Variants in NEBL observed in about 807,000 individuals in gnomAD.
The protein encoded by NEBL is LIM and SH3 protein 2.
A neutral mutation model predicts 140.2 loss-of-function variants in NEBL; 122 were observed. The ratio of observed to expected loss-of-function variants is 0.87; its 90% CI spans 0.75 to 1.01. The LOEUF (loss-of-function observed/expected upper bound fraction) is 1.01, where lower values mean the gene tolerates loss of function less well. NEBL is among the 50% of genes least tolerant of loss of function. NEBL has a pLI of 0.00. For missense variants in NEBL, 1,365 were observed against 1,231.3 expected, an observed-to-expected ratio of 1.11 and a Z score of -1.62; for synonymous variants, 436 against 398.9, an observed-to-expected ratio of 1.09 and a Z score of -1.11.
chr10:21,037,337 C>A (rs1414555322), intron 2 of NEBL, among the ~76,000 whole-genome samples: 1 of 152,040 alleles, frequency 6.6e-6, no homozygotes, highest in Admixed American at 6.6e-5. Context: ...GCAGATAATT[C>A]ATGCATGAGA....
chr10:20,826,531 A>G lies in NEBL; in HGVS notation c.1785T>C (p.Tyr595=). 2 of 1,607,504 alleles carry G rather than the reference A, an allele frequency of 1.2e-6. No individual in the cohort carries two copies. Among genetic ancestry groups the G allele is most frequent in the Non-Finnish European group, 1.7e-6 (2 of 1,174,714 alleles). The change falls in exon 18 of 28, where the codon TAT becomes TAC. Residue 595 remains tyrosine, a synonymous_variant. Transcript: ENST00000377122. The part of the protein sequence containing the change: ...TTQQNISAVF[Y]KKEVGAGTAV... Reference sequence around the variant, plus strand: ...CAGTGCCAGCTCCCACTTCTTTCTTATAAAATACCTTTATTATAAGAAAAG... The same window carrying G: ...CAGTGCCAGCTCCCACTTCTTTCTTGTAAAATACCTTTATTATAAGAAAAG...
At chr10:21,096,281 T>A (rs907714470) in intron 2 of NEBL, among the ~76,000 whole-genome samples, 6 of 152,160 alleles carry the variant, frequency 3.9e-5, no homozygotes, top group Non-Finnish European at 7.3e-5. Flanking sequence ...CCTATTCTCA[T>A]CCTCAGTCAG....
chr10:20,978,095 A>G (rs1836876143), intron 3 of NEBL, among the ~76,000 whole-genome samples: 1 of 152,212 alleles, frequency 6.6e-6, no homozygotes, highest in South Asian at 2.1e-4. Context: ...ATACTGCAGA[A>G]GAAAATAAGG....
intron 2 of NEBL, among the ~76,000 whole-genome samples, chr10:21,067,327 A>G (rs1208094010): frequency 1.3e-5 from 2 of 152,204 alleles, no homozygotes; most frequent in Non-Finnish European, 2.9e-5. Flanking sequence ...CTGTTTAAAA[A>G]TTCAGTTTTG....
chr10:21,255,231 G>A lies in NEBL; in HGVS notation n.183-3403C>T, dbSNP rs76955920. ...GAGTGGCACATATGGGAATTAGAGC[G>A]AGAACGTCATGTCCTAAGGCCAGAT... On this transcript the variant is annotated intron_variant and non_coding_transcript_variant, in intron 1 of 8. Transcript: ENST00000675702. 8.1e-3 allele frequency among the ~76,000 whole-genome samples: 1,233 copies of A among 152,168 alleles called. 12 individuals are homozygous for A. Among genetic ancestry groups the A allele is most frequent in the African/African-American group, 0.02 (817 of 41,526 alleles).
Position 20,786,741 on chromosome 10 carries a change from C to T in NEBL, c.2868+461G>A, listed in dbSNP as rs28364728. 2.0e-3 allele frequency among the ~76,000 whole-genome samples: 304 copies of T among 152,264 alleles called. 8 individuals are homozygous for T. The East Asian group carries it at 0.049, about 25-fold the overall frequency. On this transcript the variant is annotated intron_variant, in intron 27 of 27. Coordinates refer to ENST00000377122, the MANE Select transcript of NEBL (RefSeq NM_006393.3). ...CCAAGTATAACTAGCAAATGTTGAA[C>T]ACTTCTTCCAAGTTTTACACTGAAT...
chr10:21,081,671 A>T (rs901981075), intron 2 of NEBL, among the ~76,000 whole-genome samples: 7 of 152,302 alleles, frequency 4.6e-5, no homozygotes, highest in Admixed American at 2.0e-4. Flanking sequence ...AAAGGAATCA[A>T]GCATCCTCGG....
At chr10:21,136,822 A>G (rs1407863591) in intron 2 of NEBL, among the ~76,000 whole-genome samples, 1 of 152,208 alleles carries the variant, frequency 6.6e-6, no homozygotes. Flanking sequence ...GGGTAAATTA[A>G]TTCCTATCTA....
At chr10:21,054,161 C>T (rs1834908081) in intron 2 of NEBL, among the ~76,000 whole-genome samples, 1 of 152,156 alleles carries the variant, frequency 6.6e-6, no homozygotes, top group Non-Finnish European at 1.5e-5. Context: ...TTTAATGACT[C>T]ATCAAATAGT....
chr10:20,919,442 T>C (rs1833471162), intron 4 of NEBL, among the ~76,000 whole-genome samples: 1 of 152,224 alleles, frequency 6.6e-6, no homozygotes, highest in Non-Finnish European at 1.5e-5. Flanking sequence ...AATCATGTCA[T>C]GGTGACTTTT....
intron 2 of NEBL, among the ~76,000 whole-genome samples, chr10:21,060,933 T>C (rs1835245718): frequency 6.6e-6 from 1 of 152,076 alleles, no homozygotes; most frequent in African/African-American, 2.4e-5. Flanking sequence ...GCTCCTTTGG[T>C]TCTCTTACTG....
At chr10:21,106,041 T>G (rs186242065) in intron 2 of NEBL, among the ~76,000 whole-genome samples, 6 of 152,190 alleles carry the variant, frequency 3.9e-5, no homozygotes, top group Admixed American at 3.3e-4. Context: ...TTGTTTGTTT[T>G]TTTTCTGGTA....
chr10:20,960,178 G>A (rs1192333017), intron 4 of NEBL, among the ~76,000 whole-genome samples: 1 of 152,038 alleles, frequency 6.6e-6, no homozygotes, highest in Non-Finnish European at 1.5e-5. Flanking sequence ...TTCAGTGATT[G>A]TTGAAGATGT....
intron 4 of NEBL, among the ~76,000 whole-genome samples, chr10:20,944,380 A>ACAAGAC (rs972274491): frequency 3.2e-4 from 49 of 152,320 alleles, no homozygotes; most frequent in African/African-American, 1.1e-3. Context: ...AGCCTGGGCG[A>ACAAGAC]CAAGACCAAG....
At chr10:21,093,712 G>A (rs963766468) in intron 2 of NEBL, among the ~76,000 whole-genome samples, 21 of 152,196 alleles carry the variant, frequency 1.4e-4, no homozygotes, top group African/African-American at 4.8e-4. Flanking sequence ...TCTTGTTCAG[G>A]TATATCTAAG....
chr10:20,868,310 CTGTGTGTGTG>C (rs3085048), intron 7 of NEBL: 11 of 155,912 alleles, frequency 7.1e-5, no homozygotes, highest in Admixed American at 3.9e-4. Flanking sequence ...AAGTTAAAAA[CTGTGTGTGTG>C]TGTGTGTGTG....
chr10:21,278,790 G>A (rs959110466), intron 1 of NEBL, among the ~76,000 whole-genome samples: 1 of 152,154 alleles, frequency 6.6e-6, no homozygotes, highest in African/African-American at 2.4e-5. Flanking sequence ...ATCTGCCCCT[G>A]AGTTACATAG....
chr10:21,194,363 GAAGT>G lies in NEBL; in HGVS notation n.349-21890_349-21887del, dbSNP rs548838142. ...TTTTTTTAATAGAAAAAAAGTTATT[GAAGT>G]AAGCATTGATACCAAAAGCAAGCCA... On this transcript the variant is annotated intron_variant and non_coding_transcript_variant, in intron 3 of 8. Coordinates refer to the NEBL transcript ENST00000675702. 1.6e-3 allele frequency among the ~76,000 whole-genome samples: 242 copies of G among 152,194 alleles called. 2 individuals carry two copies. The South Asian group carries it at 0.021, about 13-fold the overall frequency.
intron 3 of NEBL, among the ~76,000 whole-genome samples, chr10:21,016,411 TCA>T (rs1239663883): frequency 9.8e-5 from 15 of 152,322 alleles, no homozygotes; most frequent in South Asian, 2.1e-4. Context: ...TGTAAAATAT[TCA>T]CAGTGTTTAT....
Sources: allele counts gnomAD v4.1 joint callset (sites outside exome capture counted in the v4.1 genomes callset), GRCh38; gene constraint gnomAD v4.1.1; transcripts MANE v1.5; gene names NCBI Gene and HGNC (gene_info 2026-07-23, HGNC 2026-07-21).